KCNMB3: variants seen among roughly 807,000 people sequenced by gnomAD.
The protein encoded by KCNMB3 is calcium-activated potassium channel subunit beta-3.
KCNMB3 carries 18 observed loss-of-function variants against 11.9 expected under a neutral mutation model. That is an observed-to-expected ratio of 1.51 (90% CI 1.04 to 2.23). The LOEUF (loss-of-function observed/expected upper bound fraction) is 2.23, where lower values mean the gene tolerates loss of function less well. KCNMB3 is among the 30% of genes most tolerant of loss of function. The pLI is 0.00. For synonymous variants in KCNMB3, 78 were observed against 119.2 expected, an observed-to-expected ratio of 0.65 and a Z score of 2.25; for missense variants, 247 against 329.4, an observed-to-expected ratio of 0.75 and a Z score of 1.94.
chr3:179,252,850 G>A (rs906503206), upstream of KCNMB3, among the ~76,000 whole-genome samples: 2 of 149,766 alleles, frequency 1.3e-5, no homozygotes, highest in East Asian at 2.0e-4. Flanking sequence ...TCCTGCCTCC[G>A]CCTCCTGAGT....
chr3:179,260,108 A>G (rs952990174), intron 1 of KCNMB3: 3 of 1,606,440 alleles, frequency 1.9e-6, no homozygotes, highest in African/African-American at 2.7e-5. Flanking sequence ...TGTCATCACT[A>G]TGCCCTAAAG....
intron 1 of KCNMB3, among the ~76,000 whole-genome samples, chr3:179,266,339 C>A (rs2108461755): frequency 6.6e-6 from 1 of 152,342 alleles, no homozygotes; most frequent in East Asian, 1.9e-4. Flanking sequence ...CCTCATTCAA[C>A]CAACAGATCA....
At chr3:179,263,632 T>C (rs1040552865) in intron 1 of KCNMB3, among the ~76,000 whole-genome samples, 1 of 152,072 alleles carries the variant, frequency 6.6e-6, no homozygotes, top group African/African-American at 2.4e-5. Flanking sequence ...GCTCATTGTA[T>C]GAAACTTGAA....
intron 1 of KCNMB3, chr3:179,260,232 G>A (rs1726158815): frequency 1.9e-6 from 3 of 1,613,904 alleles, no homozygotes; most frequent in South Asian, 1.1e-5. Context: ...TGGCTCAAGG[G>A]GAGTTCTGGT....
chr3:179,259,759 A>G (rs1726143381), intron 1 of KCNMB3: 4 of 1,601,460 alleles, frequency 2.5e-6, no homozygotes, highest in Admixed American at 3.5e-5. Flanking sequence ...AATGAGTCCA[A>G]TGCCTCTCCC....
At chr3:179,260,259 C>T in intron 1 of KCNMB3, 2 of 1,614,006 alleles carry the variant, frequency 1.2e-6, no homozygotes, top group South Asian at 1.1e-5. Context: ...ATCTGGTGCA[C>T]CCATGACCTC....
chr3:179,264,521 G>A (rs1167011427), intron 1 of KCNMB3, among the ~76,000 whole-genome samples: 3 of 152,064 alleles, frequency 2.0e-5, no homozygotes, highest in Non-Finnish European at 4.4e-5. Flanking sequence ...CATAATCAAG[G>A]CAATATCCAC....
chr3:179,252,000 G>GT (rs1340251863), upstream of KCNMB3, among the ~76,000 whole-genome samples: 1 of 152,148 alleles, frequency 6.6e-6, no homozygotes, highest in Non-Finnish European at 1.5e-5. Flanking sequence ...GATTACAGGC[G>GT]TGAGCCACTG....
At chr3:179,239,784 T>G, downstream of KCNMB3, 1 of 419,998 alleles carries the variant, frequency 2.4e-6, no homozygotes. Context: ...CTCTATATTT[T>G]GTCATTCAGT....
Position 179,251,010 on chromosome 3 carries a change from G to A in KCNMB3, c.-20C>T, listed in dbSNP as rs1725824960. 1 of 1,614,218 alleles carries A rather than the reference G, an allele frequency of 6.2e-7. No homozygotes were observed. The highest frequency in any genetic ancestry group is 8.5e-7 in the Non-Finnish European group (1 of 1,180,048). ...GAACATTTCCAATCCATGGGGACTG[G>A]AGGGATAATCTCATTTGCTGCCTAC... is the stretch of plus-strand genomic sequence containing the variant. On this transcript the variant is annotated 5_prime_UTR_variant, in exon 1 of 3. Transcript: ENST00000392685.
downstream of KCNMB3, chr3:179,241,915 A>T (rs1028525300): frequency 6.5e-6 from 1 of 154,210 alleles, no homozygotes; most frequent in African/African-American, 2.4e-5. Flanking sequence ...TAGCTTCTTC[A>T]TATTTCTGGC....
chr3:179,257,245 C>T lies in KCNMB3; in HGVS notation c.63-6311G>A, dbSNP rs144008098. On this transcript the variant is annotated intron_variant, in intron 1 of 3. Transcript: ENST00000349697. ...GGTCCCCCAACTTAAGATGGTTCCA[C>T]TTGCAATTTTTTTTACAACTATAAA... Among the ~76,000 whole-genome samples, 117 of 152,308 alleles carry T rather than the reference C, an allele frequency of 7.7e-4. 5 individuals are homozygous for T. The highest frequency in any genetic ancestry group is 3.4e-3 in the Middle Eastern group (1 of 294).
chr3:179,255,156 C>T (rs954370958), upstream of KCNMB3, among the ~76,000 whole-genome samples: 1 of 131,418 alleles, frequency 7.6e-6, no homozygotes, highest in Non-Finnish European at 1.6e-5. Flanking sequence ...CAGAGCAAGA[C>T]TCTATCTCAA....
chr3:179,253,129 T>TA (rs1274999698), upstream of KCNMB3, among the ~76,000 whole-genome samples: 3 of 152,194 alleles, frequency 2.0e-5, no homozygotes, highest in African/African-American at 7.2e-5. Flanking sequence ...GGACCCAATA[T>TA]CCTGCATTTT....
intron 1 of KCNMB3, among the ~76,000 whole-genome samples, chr3:179,265,858 G>C (rs1039008524): frequency 6.6e-6 from 1 of 152,206 alleles, no homozygotes; most frequent in African/African-American, 2.4e-5. Context: ...CCCTAGGGCA[G>C]GCAAAAGGGG....
chr3:179,244,307 T>C (rs1401110890), intron 2 of KCNMB3, among the ~76,000 whole-genome samples, 188 bp downstream of exon 2: 5 of 152,190 alleles, frequency 3.3e-5, no homozygotes, highest in Non-Finnish European at 7.3e-5. Context: ...ATTTCTCTCC[T>C]TTCTATATAC....
intron 1 of KCNMB3, among the ~76,000 whole-genome samples, chr3:179,262,019 C>T (rs899616240): frequency 2.0e-5 from 3 of 152,092 alleles, no homozygotes; most frequent in African/African-American, 7.2e-5. Context: ...TCAATTCACA[C>T]GGAAAATGTA....
intron 2 of KCNMB3, 46 bp from the exon 3 acceptor site, chr3:179,243,330 A>G: frequency 1.3e-6 from 2 of 1,530,774 alleles, no homozygotes; most frequent in Non-Finnish European, 1.8e-6. Flanking sequence ...TGTCACCAAT[A>G]CCAAATACTT....
intron 1 of KCNMB3, among the ~76,000 whole-genome samples, chr3:179,249,309 G>A (rs1725753561): frequency 6.7e-6 from 1 of 148,650 alleles, no homozygotes; most frequent in Admixed American, 6.7e-5. Context: ...CACCGCGCCT[G>A]GCCCAACCCC....
Sources: gnomAD v4.1 joint callset for allele counts (sites outside exome capture counted in the v4.1 genomes callset) on GRCh38, gnomAD v4.1.1 for gene constraint, MANE v1.5 for transcripts, NCBI Gene and HGNC (gene_info 2026-07-23, HGNC 2026-07-21) for gene names.